APOB: variants seen among roughly 807,000 people sequenced by gnomAD.
The protein encoded by APOB is apolipoprotein B.
A neutral mutation model predicts 314.1 loss-of-function variants in APOB; 153 were observed. That is an observed-to-expected ratio of 0.49 (90% CI 0.43 to 0.56). The LOEUF (loss-of-function observed/expected upper bound fraction) is 0.56, where lower values mean the gene tolerates loss of function less well. APOB is among the 20% of genes least tolerant of loss of function. The probability of loss-of-function intolerance (pLI) is 0.00; values close to 1 mark genes in which losing one functional copy is unlikely to be tolerated. For synonymous variants in APOB, 2,087 were observed against 2,036.4 expected, an observed-to-expected ratio of 1.02 and a Z score of -0.67; for missense variants, 5,430 against 5,350.7, an observed-to-expected ratio of 1.01 and a Z score of -0.46.
intron 19 of APOB, 120 bp downstream of exon 19, chr2:21,019,603 G>A: frequency 1.8e-6 from 2 of 1,106,574 alleles, no homozygotes; most frequent in Non-Finnish European, 2.7e-6. Flanking sequence ...CAAAGATGGT[G>A]CAAACCCAGA....
rs185721706 is a variant in APOB, at chr2:21,019,457, C to T, written c.2999+266G>A. On this transcript the variant is annotated intron_variant, in intron 19 of 28. Transcript: ENST00000233242. ...TTGGTGGGCTCCAGGAAGCTCATAGCGATGGGTCTGGAGGCTCAGAAACAT... is the reference window on the plus strand; with the variant it reads ...TTGGTGGGCTCCAGGAAGCTCATAGTGATGGGTCTGGAGGCTCAGAAACAT... Among the ~76,000 whole-genome samples the T allele has an allele frequency of 9.9e-5, 15 of 152,176 alleles. No homozygotes were observed. The East Asian group carries it at 1.4e-3, about 14-fold the overall frequency.
At position 21,001,952 on chromosome 2, in the gene APOB, A is replaced by G. The variant is rs1353082289; in HGVS notation, c.13470T>C (p.Asp4490=). ...QAIATKKIIS[D]YHQQFRYKLQ... The stretch of plus-strand genomic sequence containing the variant: ...GTTTATATCTAAACTGCTGGTGGTA[A>G]TCAGAAATTATTTTCTTCGTCGCAA... Residue 4490 remains aspartate, a synonymous_variant, in exon 29 of 29, where the codon GAT becomes GAC. Transcript: ENST00000233242. The G allele has an allele frequency of 6.2e-7, 1 of 1,614,044 alleles. No homozygotes were observed. Among genetic ancestry groups the G allele is most frequent in the East Asian group, 2.2e-5 (1 of 44,864 alleles).
chr2:21,018,931 T>C, intron 20 of APOB, 61 bp downstream of exon 20: 1 of 1,612,318 alleles, frequency 6.2e-7, no homozygotes, highest in East Asian at 2.2e-5. Context: ...TGTCTTCTCC[T>C]CATGAATTCT....
At chr2:21,042,307 A>G in intron 3 of APOB, 54 bp downstream of exon 3, 1 of 1,427,258 alleles carries the variant, frequency 7.0e-7, no homozygotes, top group Non-Finnish European at 9.9e-7. Flanking sequence ...CCGCTGGAAC[A>G]GGGCTGGGGG....
rs762982664 is a variant in APOB at position 21,002,088 on chromosome 2, T to G, written c.13334A>C (p.His4445Pro). The G allele has an allele frequency of 2.5e-6, 4 of 1,613,884 alleles. No homozygotes were observed. The Admixed American group carries it at 5.0e-5, about 20-fold the overall frequency. Residue 4445 changes from histidine (H) to proline (P), a missense_variant, in exon 29 of 29, where the codon CAC (histidine) becomes CCC (proline). His to Pro is a moderately conservative substitution (Grantham distance 77, BLOSUM62 -2). Around this residue, in one of 3 missense-constraint regions of APOB, gnomAD observed 3,281 missense variants for 3,171.0 expected, o/e 1.03. Transcript: ENST00000233242. ...GCTAAGATATTCCTGAATATTTCTG[T>G]GCAGAAATTGCTCAACTTGACTTGA... ...QLSSQVEQFLHRNIQEYLSIL... is the reference protein window; with the variant it reads ...QLSSQVEQFLPRNIQEYLSIL...
In APOB at chr2:21,008,761, G is replaced by A. The variant is rs202100237; in HGVS notation, c.8107C>T (p.Leu2703=). ...AAGTCTGGCAGGGTGATTCTCGCTAGAGGAATGTCCTCCACCTTCAGATCC... is the reference window on the plus strand; with the variant it reads ...AAGTCTGGCAGGGTGATTCTCGCTAAAGGAATGTCCTCCACCTTCAGATCC... ...LRDLKVEDIP[L]ARITLPDFRL... Residue 2703 remains leucine, a synonymous_variant, in exon 26 of 29, where the codon CTA becomes TTA. Transcript: ENST00000233242. 3 of 1,614,078 alleles carry A rather than the reference G, an allele frequency of 1.9e-6. No homozygotes were observed. In the South Asian group the frequency reaches 3.3e-5, roughly 18 times the overall value.
intron 2 of APOB, among the ~76,000 whole-genome samples, chr2:21,043,088 C>T (rs753208260): frequency 5.3e-5 from 8 of 149,568 alleles, no homozygotes; most frequent in Non-Finnish European, 1.2e-4. Context: ...CACACAGGGT[C>T]GCGCTTGGAG....
At chr2:21,043,809 G>A in intron 1 of APOB, 55 bp downstream of exon 1, 3 of 1,530,794 alleles carry the variant, frequency 2.0e-6, no homozygotes, top group Non-Finnish European at 2.6e-6. Flanking sequence ...GGCCAACCTC[G>A]TGCCGCCGGC....
At chr2:21,015,316 G>A in intron 22 of APOB, 54 bp downstream of exon 22, 2 of 1,612,972 alleles carry the variant, frequency 1.2e-6, no homozygotes, top group South Asian at 2.2e-5. Flanking sequence ...GTAACCACAG[G>A]TCTCAACACC....
At chr2:21,035,928 C>A (rs1240196252) in intron 6 of APOB, among the ~76,000 whole-genome samples, 1 of 152,212 alleles carries the variant, frequency 6.6e-6, no homozygotes, top group Non-Finnish European at 1.5e-5. Context: ...CCTCACTGGA[C>A]AATGTCTAAA....
chr2:21,041,775 G>A (rs1664137663), intron 3 of APOB, among the ~76,000 whole-genome samples: 1 of 152,102 alleles, frequency 6.6e-6, no homozygotes, highest in South Asian at 2.1e-4. Context: ...CAAGAGCTAC[G>A]GTACTCTCTA....
rs763904015 is a variant in APOB at position 21,010,397 on chromosome 2, T to A, written c.6471A>T (p.Gln2157His). 2 of 1,593,500 alleles carry A rather than the reference T, an allele frequency of 1.3e-6. No individual in the cohort carries two copies. The highest frequency in any genetic ancestry group is 2.3e-5 in the South Asian group (2 of 87,562). The change falls in exon 26 of 29, where the codon CAA becomes CAT. Residue 2157 changes from glutamine to histidine, a missense_variant. By Grantham distance (24) the Gln-to-His change is conservative (BLOSUM62 0). Coordinates refer to ENST00000233242, the MANE Select transcript of APOB (RefSeq NM_000384.3). ...KKYRITENDI[Q>H]IALDDAKINF... Reference sequence around the variant, plus strand: ...TGATTTTGGCATCATCTAATGCAATTTGTATATCATTTTCTGTAATTCTAT... The same window carrying A: ...TGATTTTGGCATCATCTAATGCAATATGTATATCATTTTCTGTAATTCTAT...
At chr2:21,028,708 C>A (rs751487238) in intron 12 of APOB, among the ~76,000 whole-genome samples, 170 bp from the exon 13 acceptor site, 69 of 152,190 alleles carry the variant, frequency 4.5e-4, no homozygotes, top group African/African-American at 1.6e-3. Context: ...TCCTAGAGCA[C>A]TATCAAGTAA....
Position 21,004,979 on chromosome 2 carries a change from G to C in APOB, c.11788+101C>G, listed in dbSNP as rs72654410. On this transcript the variant is annotated intron_variant, in intron 26 of 28. Coordinates refer to ENST00000233242, the MANE Select transcript of APOB (RefSeq NM_000384.3). ...TTCTTACTTAAAATTTTGTGACATT[G>C]AGTAATTGTACATCTACTCACAACT... The C allele has an allele frequency of 1.3e-3, 1,983 of 1,491,180 alleles. 20 individuals are homozygous for C. The African/African-American group carries it at 0.022, about 17-fold the overall frequency. The allele number at this position is 1,491,180 out of a possible 1,614,324, so 92.4% of individuals were successfully genotyped here.
intron 24 of APOB, among the ~76,000 whole-genome samples, chr2:21,013,741 C>T (rs965630668): frequency 2.6e-5 from 4 of 152,220 alleles, no homozygotes; most frequent in African/African-American, 9.6e-5. Flanking sequence ...CTAAGGGCCA[C>T]TCCTTATCAT....
intron 5 of APOB, among the ~76,000 whole-genome samples, chr2:21,037,477 G>A (rs1028440349): frequency 5.9e-5 from 9 of 152,136 alleles, no homozygotes; most frequent in Admixed American, 4.6e-4. Context: ...AAAGGCCTCC[G>A]CAGGTTGCAT....
At chr2:21,031,300 C>A (rs1168541989) in intron 10 of APOB, among the ~76,000 whole-genome samples, 1 of 152,170 alleles carries the variant, frequency 6.6e-6, no homozygotes, top group Non-Finnish European at 1.5e-5. Flanking sequence ...TCATTTGCAG[C>A]AACATGGATG....
intron 4 of APOB, 129 bp downstream of exon 4, chr2:21,040,809 T>C (rs1048411310): frequency 3.8e-6 from 4 of 1,048,846 alleles, no homozygotes; most frequent in Non-Finnish European, 5.6e-6. Flanking sequence ...GAAAACTCAG[T>C]AATTCCCTGA....
rs765064660 is a variant in APOB at position 21,010,403 on chromosome 2, A to G, written c.6465T>C (p.Asp2155=). 8 of 1,595,722 alleles carry G rather than the reference A, an allele frequency of 5.0e-6. No individual in the cohort carries two copies. Among genetic ancestry groups the G allele is most frequent in the Middle Eastern group, 1.7e-4 (1 of 6,028 alleles). ...TGGCATCATCTAATGCAATTTGTAT[A>G]TCATTTTCTGTAATTCTATACTTTT... is the stretch of plus-strand genomic sequence containing the variant. ...LTKKYRITEN[D]IQIALDDAKI... The change falls in exon 26 of 29, where the codon GAT becomes GAC. Residue 2155 remains aspartate, a synonymous_variant. Transcript: ENST00000233242.
Sources: allele counts gnomAD v4.1 joint callset (sites outside exome capture counted in the v4.1 genomes callset), GRCh38; gene constraint gnomAD v4.1.1; regional missense constraint gnomAD v4.1.1; transcripts MANE v1.5; gene names NCBI Gene and HGNC (gene_info 2026-07-23, HGNC 2026-07-21).